GREB1: variants seen among roughly 807,000 people sequenced by gnomAD.
The protein encoded by GREB1 is protein GREB1.
In GREB1, 106 loss-of-function variants were observed where a neutral mutation model predicts 200.7. The observed-to-expected ratio is 0.53, with a 90% CI of 0.45 to 0.62. GREB1 has a LOEUF of 0.62. Among genes scored for constraint, GREB1 ranks in the 20% least tolerant of loss-of-function variants. The probability of loss-of-function intolerance (pLI) is 0.00; values close to 1 mark genes in which losing one functional copy is unlikely to be tolerated. For synonymous variants in GREB1, 1,132 were observed against 1,092.4 expected (o/e 1.04, Z -0.72); for missense variants, 2,243 against 2,556.8 (o/e 0.88, Z 2.65).
upstream of GREB1, among the ~76,000 whole-genome samples, chr2:11,533,321 T>G (rs2148494596): frequency 6.6e-6 from 1 of 152,264 alleles, no homozygotes; most frequent in African/African-American, 2.4e-5. Context: ...GGGAAAACAC[T>G]GAAGTGCCAG....
chr2:11,637,337 T>C (rs1031776854), intron 30 of GREB1, among the ~76,000 whole-genome samples: 93 of 137,828 alleles, frequency 6.7e-4, no homozygotes, highest in African/African-American at 2.4e-3. Flanking sequence ...TGACTGTGGG[T>C]GGGAAGAGCC....
chr2:11,588,173 G>T, intron 9 of GREB1: 6 of 542,402 alleles, frequency 1.1e-5, no homozygotes, highest in Non-Finnish European at 1.4e-5. Context: ...AGGTTGTGGT[G>T]AGCCGAGATC....
chr2:11,550,220 AAATAAT>A (rs1362006999), intron 1 of GREB1, among the ~76,000 whole-genome samples: 2 of 152,166 alleles, frequency 1.3e-5, no homozygotes, highest in African/African-American at 4.8e-5. Context: ...TCTGTCTCAA[AAATAAT>A]AATAATAAAT....
At chr2:11,554,638 A>C (rs1380163115) in intron 1 of GREB1, among the ~76,000 whole-genome samples, 1 of 152,250 alleles carries the variant, frequency 6.6e-6, no homozygotes, top group Non-Finnish European at 1.5e-5. Context: ...CAGTGCAGGC[A>C]TCTGGTGCCA....
rs375548010 is a variant in GREB1, at chr2:11,556,818, G to A, written c.157+47G>A. 118 of 1,452,676 alleles carry A rather than the reference G, an allele frequency of 8.1e-5. No individual in the cohort carries two copies. The African/African-American group carries it at 1.3e-3, about 16-fold the overall frequency. 90.0% of individuals were successfully genotyped at this position (1,452,676 alleles called of 1,614,324 possible). A position where few individuals can be genotyped will look rare whatever the true frequency, so the allele number is the denominator to read the frequency against. On this transcript the variant is annotated intron_variant, in intron 2 of 32. Transcript: ENST00000381486. ...TATCTGTGTATTTCTTTTATTGTGC[G>A]CAGTTAATGTTAGCACCAGAACTTG...
At chr2:11,574,041 G>A (rs189328766) in intron 4 of GREB1, among the ~76,000 whole-genome samples, 1 of 152,388 alleles carries the variant, frequency 6.6e-6, no homozygotes, top group African/African-American at 2.4e-5. Context: ...TTCTTAGGCA[G>A]CAGTTGAGCT....
At position 11,631,950 on chromosome 2, in the gene GREB1, C is replaced by T. The variant is rs781392068; in HGVS notation, c.4653C>T (p.Thr1551=). The part of the protein sequence containing the change: ...YIKSPTFTPT[T]GRHEHGLFNL... Reference sequence around the variant, plus strand: ...AAAGTCCGACATTCACTCCAACCACCGGCCGTCACGAACATGGGCTCTTTA... The same window carrying T: ...AAAGTCCGACATTCACTCCAACCACTGGCCGTCACGAACATGGGCTCTTTA... The change falls in exon 27 of 33, where the codon ACC becomes ACT. Residue 1551 remains threonine (T), a synonymous_variant. Coordinates refer to ENST00000381486, the MANE Select transcript of GREB1 (RefSeq NM_014668.4). 1.8e-5 allele frequency: 29 copies of T among 1,613,976 alleles called. No individual in the cohort carries two copies. The highest frequency in any genetic ancestry group is 1.2e-4 in the African/African-American group (9 of 74,920).
At chr2:11,612,325 G>A (rs753763296) in intron 18 of GREB1, 170 bp from the exon 19 acceptor site, 9 of 1,355,876 alleles carry the variant, frequency 6.6e-6, no homozygotes, top group Middle Eastern at 5.7e-4. Context: ...CTGAAAATAC[G>A]GTGGCCAAGT....
Position 11,593,116 on chromosome 2 carries a change from C to G in GREB1, c.1686C>G (p.Ile562Met). Residue 562 changes from isoleucine to methionine, a missense_variant, in exon 11 of 33, where the codon ATC (isoleucine) becomes ATG (methionine). Ile to Met is a conservative substitution (Grantham distance 10). This residue lies in a region of GREB1 where 1,178 missense variants were observed against 1,387.4 expected (regional missense o/e 0.85). Coordinates refer to ENST00000381486, the MANE Select transcript of GREB1 (RefSeq NM_014668.4). ...GCAGCGCGGCCATCGACTCCTGCAT[C>G]GCCGTCACCGGTGAGCTCTGGGCCG... ...ACRSAAIDSC[I>M]AVTGKYQARI... 6.2e-7 allele frequency: 1 copy of G among 1,600,488 alleles called. No homozygotes were observed. Among genetic ancestry groups the G allele is most frequent in the Non-Finnish European group, 8.5e-7 (1 of 1,171,726 alleles).
chr2:11,610,766 C>T lies in GREB1; in HGVS notation c.2745C>T (p.Ser915=), dbSNP rs766919198. 1.9e-5 allele frequency: 30 copies of T among 1,613,492 alleles called. No homozygotes were observed. Among genetic ancestry groups the T allele is most frequent in the Middle Eastern group, 1.6e-4 (1 of 6,062 alleles). The change falls in exon 18 of 33, where the codon AGC becomes AGT. Residue 915 remains serine (S), a synonymous_variant. Coordinates refer to ENST00000381486, the MANE Select transcript of GREB1 (RefSeq NM_014668.4). Reference sequence around the variant, plus strand: ...ACGCGGCCGCCCTGATGGCCGTAAGCGGCCTCCCGCAGATGAAGAACTACA... The same window carrying T: ...ACGCGGCCGCCCTGATGGCCGTAAGTGGCCTCCCGCAGATGAAGAACTACA... ...QHYAAALMAV[S]GLPQMKNYTS... is the part of the protein sequence containing the mutation.
chr2:11,499,648 A>G (rs1316824622), intron 1 of GREB1, among the ~76,000 whole-genome samples: 1 of 152,238 alleles, frequency 6.6e-6, no homozygotes, highest in African/African-American at 2.4e-5. Context: ...CAAAAATTAC[A>G]TGTGTTAATT....
chr2:11,614,226 A>G (rs764658297), intron 19 of GREB1, among the ~76,000 whole-genome samples: 16 of 150,444 alleles, frequency 1.1e-4, no homozygotes, highest in Non-Finnish European at 1.6e-4. Context: ...TCCTGGGTTC[A>G]AGTGATTCTC....
At chr2:11,602,638 C>A (rs1369745936) in intron 17 of GREB1, 96 bp downstream of exon 17, 3 of 1,014,100 alleles carry the variant, frequency 3.0e-6, no homozygotes, top group Non-Finnish European at 3.1e-6. Flanking sequence ...GGAAGGGAGG[C>A]CTTTCCTTCC....
chr2:11,513,393 C>G (rs551888444), intron 1 of GREB1, among the ~76,000 whole-genome samples: 27 of 152,252 alleles, frequency 1.8e-4, no homozygotes, highest in Middle Eastern at 6.8e-3. Flanking sequence ...CGAAGCAGCT[C>G]AGGGTCACGG....
rs760722393 is a variant in GREB1, at chr2:11,635,332, G to T, written c.5273G>T (p.Arg1758Leu). Reference sequence around the variant, plus strand: ...CACAGCGCCGGCCTCCTGCTCTGCCGGTTCAACCGCTTCAGCGTGATGAAG... The same window carrying T: ...CACAGCGCCGGCCTCCTGCTCTGCCTGTTCAACCGCTTCAGCGTGATGAAG... ...RVHSAGLLLC[R>L]FNRFSVMKKQ... Residue 1758 changes from arginine (R) to leucine (L), a missense_variant, in exon 30 of 33, where the codon CGG becomes CTG. Around this residue, in one of 3 missense-constraint regions of GREB1, gnomAD observed 478 missense variants for 616.3 expected, o/e 0.78. Transcript: ENST00000381486. 6.2e-7 allele frequency: 1 copy of T among 1,613,964 alleles called. No homozygotes were observed. The highest frequency in any genetic ancestry group is 8.5e-7 in the Non-Finnish European group (1 of 1,179,990).
rs1056232517 is a variant in GREB1, at chr2:11,602,408, A to G, written c.2532A>G (p.Gly844=). Residue 844 remains glycine (G), a splice_region_variant and synonymous_variant, in exon 17 of 33, where the codon GGA becomes GGG. Transcript: ENST00000381486. ...ACCGACGCTCTTCTTTGTTTTAGGGAGTGGACTTATATCATGAAAATAAGA... is the reference window on the plus strand; with the variant it reads ...ACCGACGCTCTTCTTTGTTTTAGGGGGTGGACTTATATCATGAAAATAAGA... ...EIHWPASCSN[G]VDLYHENKKY... 8 of 1,613,446 alleles carry G rather than the reference A, an allele frequency of 5.0e-6. No homozygotes were observed. The highest frequency in any genetic ancestry group is 5.9e-6 in the Non-Finnish European group (7 of 1,179,470).
In GREB1 at chr2:11,493,811, C is replaced by T. The variant is rs935722574; in HGVS notation, c.-159+11430C>T. Among the ~76,000 whole-genome samples the T allele has an allele frequency of 2.6e-5, 4 of 152,162 alleles. No homozygotes were observed. Among genetic ancestry groups the T allele is most frequent in the Non-Finnish European group, 4.4e-5 (3 of 68,030 alleles). On this transcript the variant is annotated intron_variant, in intron 1 of 2. Coordinates refer to the GREB1 transcript ENST00000628795. The surrounding 1 kb of genome is among the most constrained non-coding windows in gnomAD (Gnocchi z 4.6). ...AGGCACATGAGGTATAAGTTGCAAA[C>T]TCTGACCTCTGGGGGCAATTTGTAA...
At chr2:11,539,559 C>A (rs1211362699) in intron 1 of GREB1, among the ~76,000 whole-genome samples, 1 of 152,184 alleles carries the variant, frequency 6.6e-6, no homozygotes, top group Non-Finnish European at 1.5e-5. Flanking sequence ...TTCTCCTGAC[C>A]CTTTGTTCTT....
chr2:11,486,411 C>G (rs1026778517), intron 1 of GREB1, among the ~76,000 whole-genome samples: 2 of 152,170 alleles, frequency 1.3e-5, no homozygotes, highest in African/African-American at 4.8e-5. Flanking sequence ...CTGTCTCACT[C>G]TCCTAGAGCA....
Sources: allele counts gnomAD v4.1 joint callset (sites outside exome capture counted in the v4.1 genomes callset), GRCh38; gene constraint gnomAD v4.1.1; regional missense constraint gnomAD v4.1.1; non-coding constraint Gnocchi (gnomAD v3.1); transcripts MANE v1.5; gene names NCBI Gene and HGNC (gene_info 2026-07-23, HGNC 2026-07-21).